CLDN14: variants seen among roughly 807,000 people sequenced by gnomAD.
The protein encoded by CLDN14 is claudin-14.
In CLDN14, 2 loss-of-function variants were observed where a neutral mutation model predicts 2.1. The observed-to-expected ratio is 0.96, with a 90% CI of 0.39 to 3.01. The LOEUF is 3.01. Ranked by LOEUF, CLDN14 falls within the 30% of genes most tolerant of loss-of-function variation. CLDN14 has a pLI of 0.09. For missense variants in CLDN14, 298 were observed against 328.0 expected (o/e 0.91, Z 0.71); for synonymous variants, 136 against 154.4 (o/e 0.88, Z 0.88).
At chr21:36,575,531 T>C (rs2087735902) in intron 1 of CLDN14, among the ~76,000 whole-genome samples, 1 of 152,166 alleles carries the variant, frequency 6.6e-6, no homozygotes, top group African/African-American at 2.4e-5. Flanking sequence ...CGCAATGTCA[T>C]GCAACCTCAC....
In CLDN14 at chr21:36,530,241, C is replaced by A. The variant is rs565322424; in HGVS notation, c.-219-19741G>T. Among the ~76,000 whole-genome samples, 8 of 143,242 alleles carry A rather than the reference C, an allele frequency of 5.6e-5. No individual in the cohort carries two copies. In the East Asian group the frequency reaches 1.1e-3, roughly 19 times the overall value. 94.0% of individuals were successfully genotyped at this position (143,242 alleles called of 152,430 possible). On this transcript the variant is annotated intron_variant, in intron 1 of 2. Coordinates refer to the CLDN14 transcript ENST00000342108. ...CATTTCAGCCACAGACCGTGCTGTA[C>A]AAATGAAGACACAGCCTGGATTCTC...
At chr21:36,485,107 G>C (rs1036673214), upstream of CLDN14, among the ~76,000 whole-genome samples, 7 of 151,676 alleles carry the variant, frequency 4.6e-5, no homozygotes, top group South Asian at 2.1e-4. Flanking sequence ...CCAGAAGGTA[G>C]GGCTTCAATA....
chr21:36,535,616 T>G (rs2087417993), intron 1 of CLDN14, among the ~76,000 whole-genome samples: 1 of 152,182 alleles, frequency 6.6e-6, no homozygotes, highest in Admixed American at 6.5e-5. Context: ...TGTATAGTCA[T>G]GTTTTATTCT....
rs1158275201 is a variant in CLDN14, at chr21:36,498,680, G to A, written c.-82+11683C>T. The stretch of plus-strand genomic sequence containing the variant: ...CTGGAAAAAATGAACATAGGATCTG[G>A]CTGTGGCAGACAGCAGCCTACAGAA... On this transcript the variant is annotated intron_variant, in intron 2 of 2. Coordinates refer to the CLDN14 transcript ENST00000342108. This position sits in a 1 kb window ranked among gnomAD's most constrained non-coding sequence, Gnocchi z 4.9. 6.6e-6 allele frequency among the ~76,000 whole-genome samples: 1 copy of A among 152,166 alleles called. No individual in the cohort carries two copies. The highest frequency in any genetic ancestry group is 1.5e-5 in the Non-Finnish European group (1 of 68,034).
At chr21:36,545,985 T>G (rs1340206110) in intron 1 of CLDN14, among the ~76,000 whole-genome samples, 1 of 152,178 alleles carries the variant, frequency 6.6e-6, no homozygotes, top group Non-Finnish European at 1.5e-5. Context: ...TGTGGTGGCC[T>G]CAATGGGTCC....
At chr21:36,520,058 C>T (rs2087258601) in intron 1 of CLDN14, among the ~76,000 whole-genome samples, 2 of 152,170 alleles carry the variant, frequency 1.3e-5, no homozygotes, top group African/African-American at 4.8e-5. Flanking sequence ...GTTGGCAGGG[C>T]TGTGCTCCCT....
intron 1 of CLDN14, among the ~76,000 whole-genome samples, chr21:36,567,428 C>T (rs2087680997): frequency 6.6e-6 from 1 of 152,232 alleles, no homozygotes. Flanking sequence ...AGAATGCTGC[C>T]TTCCAAGACG....
chr21:36,489,338 C>T (rs1451965154), intron 2 of CLDN14, among the ~76,000 whole-genome samples: 1 of 151,882 alleles, frequency 6.6e-6, no homozygotes, highest in African/African-American at 2.4e-5. Context: ...TGAATGTTCT[C>T]AGATATTAAT....
At chr21:36,483,973 G>A (rs556220493), upstream of CLDN14, among the ~76,000 whole-genome samples, 2 of 152,314 alleles carry the variant, frequency 1.3e-5, no homozygotes, top group South Asian at 4.1e-4. Flanking sequence ...AGGAGCCAAG[G>A]GGGACAGGGC....
rs983273923 is a variant in CLDN14, at chr21:36,499,340, C to G, written c.-82+11023G>C. On this transcript the variant is annotated intron_variant, in intron 2 of 2. Coordinates refer to the CLDN14 transcript ENST00000342108. The surrounding 1 kb of genome is among the most constrained non-coding windows in gnomAD (Gnocchi z 4.7). ...TCTCAGCTCGCTGCAACCTCTGCCTCCTGGGTTCAAGCGATTCTCCTGCCT... is the reference window on the plus strand; with the variant it reads ...TCTCAGCTCGCTGCAACCTCTGCCTGCTGGGTTCAAGCGATTCTCCTGCCT... Among the ~76,000 whole-genome samples the G allele has an allele frequency of 6.6e-6, 1 of 152,152 alleles. No individual in the cohort carries two copies. The highest frequency in any genetic ancestry group is 1.5e-5 in the Non-Finnish European group (1 of 68,024).
chr21:36,477,181 G>T (rs1388687973), intron 1 of CLDN14, among the ~76,000 whole-genome samples: 1 of 152,190 alleles, frequency 6.6e-6, no homozygotes, highest in Non-Finnish European at 1.5e-5. Context: ...GTCTGAGCAC[G>T]GGGCTCCCTG....
chr21:36,497,722 C>T (rs1473747612), intron 2 of CLDN14, among the ~76,000 whole-genome samples: 1 of 152,116 alleles, frequency 6.6e-6, no homozygotes, highest in African/African-American at 2.4e-5. Flanking sequence ...ATCACATCTG[C>T]CCCCTTCTGC....
chr21:36,551,431 C>T lies in CLDN14; in HGVS notation c.-220+24980G>A, dbSNP rs746788370. 1.3e-5 allele frequency among the ~76,000 whole-genome samples: 2 copies of T among 152,204 alleles called. No individual in the cohort carries two copies. Among genetic ancestry groups the T allele is most frequent in the African/African-American group, 4.8e-5 (2 of 41,452 alleles). On this transcript the variant is annotated intron_variant, in intron 1 of 2. Coordinates refer to the CLDN14 transcript ENST00000342108. This position sits in a 1 kb window ranked among gnomAD's most constrained non-coding sequence, Gnocchi z 4.8. ...ACTGCCTCCTTTTCTTGCCTCTCTT[C>T]CCTCTTCAGCCCACAAACTCCTTGA...
chr21:36,513,376 C>G (rs899023329), intron 1 of CLDN14, among the ~76,000 whole-genome samples: 2 of 152,238 alleles, frequency 1.3e-5, no homozygotes, highest in African/African-American at 4.8e-5. Context: ...AAGCCAAACT[C>G]TGAGGATGTT....
intron 1 of CLDN14, among the ~76,000 whole-genome samples, chr21:36,470,119 TG>T (rs1690472049): frequency 6.6e-6 from 1 of 152,194 alleles, no homozygotes; most frequent in South Asian, 2.1e-4. Context: ...AGCTGATTGT[TG>T]GATGACTTAT....
chr21:36,539,103 T>C (rs981374453), intron 1 of CLDN14, among the ~76,000 whole-genome samples: 1 of 152,236 alleles, frequency 6.6e-6, no homozygotes, highest in Admixed American at 6.5e-5. Flanking sequence ...CCCCCGCCAA[T>C]TTAAGAGATG....
At chr21:36,533,208 G>C (rs1353189434) in intron 1 of CLDN14, among the ~76,000 whole-genome samples, 3 of 152,198 alleles carry the variant, frequency 2.0e-5, no homozygotes, top group Non-Finnish European at 4.4e-5. Context: ...CGCAAGTGTG[G>C]GAAGAGGACC....
chr21:36,555,650 G>A (rs139491380), intron 1 of CLDN14, among the ~76,000 whole-genome samples: 4 of 152,078 alleles, frequency 2.6e-5, no homozygotes, highest in East Asian at 1.9e-4. Context: ...ACGTTTTCTC[G>A]TTCCTAAGGC....
intron 2 of CLDN14, among the ~76,000 whole-genome samples, chr21:36,495,654 C>G (rs569456626): frequency 6.6e-6 from 1 of 152,336 alleles, no homozygotes; most frequent in South Asian, 2.1e-4. Flanking sequence ...GGGCTAGAGC[C>G]CCTGGCCCAC....
Sources: gnomAD v4.1 joint callset for allele counts (sites outside exome capture counted in the v4.1 genomes callset) on GRCh38, gnomAD v4.1.1 for gene constraint, Gnocchi (gnomAD v3.1) non-coding constraint, MANE v1.5 for transcripts, NCBI Gene and HGNC (gene_info 2026-07-23, HGNC 2026-07-21) for gene names.